The following SCAPER variants were observed in gnomAD, a reference collection of about 807,000 sequenced individuals.
The protein encoded by SCAPER is S phase cyclin A-associated protein in the endoplasmic reticulum.
A neutral mutation model predicts 182.2 loss-of-function variants in SCAPER; 98 were observed. The ratio of observed to expected loss-of-function variants is 0.54; its 90% CI spans 0.46 to 0.64. The LOEUF (loss-of-function observed/expected upper bound fraction) is 0.64. SCAPER is among the 30% of genes least tolerant of loss of function. SCAPER has a pLI of 0.00. For missense variants in SCAPER, 1,432 were observed against 1,690.0 expected, an observed-to-expected ratio of 0.85 and a Z score of 2.68; for synonymous variants, 605 against 564.6, an observed-to-expected ratio of 1.07 and a Z score of -1.01.
chr15:76,726,124 A>AAAATATATATATATATATATAT (rs1555555704), intron 17 of SCAPER, among the ~76,000 whole-genome samples: 4 of 15,348 alleles, frequency 2.6e-4, no homozygotes, highest in Admixed American at 1.1e-3. Context: ...TAATGTCTAG[A>AAAATATATATATATATATATAT]ATATATATAT....
At chr15:76,903,150 G>A (rs531613530) in intron 1 of SCAPER, among the ~76,000 whole-genome samples, 1 of 151,746 alleles carries the variant, frequency 6.6e-6, no homozygotes, top group South Asian at 2.1e-4. Context: ...GCTAAATGAA[G>A]ACATTAATGA....
Position 76,496,664 on chromosome 15 carries a change from C to T in SCAPER, c.2954+8195G>A, listed in dbSNP as rs35015137. 7.1e-3 allele frequency among the ~76,000 whole-genome samples: 1,082 copies of T among 152,130 alleles called. 8 individuals are homozygous for T. Among genetic ancestry groups the T allele is most frequent in the Middle Eastern group, 0.017 (5 of 292 alleles). ...AGAAAAAAGGAAAGTTCAGTCAGTC[C>T]CAGCTTGTAGTAATGGCATTTAACG... is the stretch of plus-strand genomic sequence containing the variant. On this transcript the variant is annotated intron_variant, in intron 24 of 31. Transcript: ENST00000563290.
At chr15:76,544,934 A>G (rs2045125430) in intron 23 of SCAPER, among the ~76,000 whole-genome samples, 1 of 152,198 alleles carries the variant, frequency 6.6e-6, no homozygotes, top group African/African-American at 2.4e-5. Flanking sequence ...AGAATTTACA[A>G]TATAGTGGTG....
chr15:76,808,320 C>T (rs750286460), intron 5 of SCAPER, among the ~76,000 whole-genome samples: 6 of 152,202 alleles, frequency 3.9e-5, no homozygotes, highest in Non-Finnish European at 7.3e-5. Flanking sequence ...CCCTTTTCCC[C>T]TTGCCTTGCT....
intron 26 of SCAPER, among the ~76,000 whole-genome samples, chr15:76,432,383 A>G (rs1453008328): frequency 6.6e-6 from 1 of 152,230 alleles, no homozygotes; most frequent in East Asian, 1.9e-4. Context: ...TAAGTGAACA[A>G]AGTAATCAAG....
Position 76,795,410 on chromosome 15 carries a change from A to C in SCAPER, c.642T>G (p.Arg214=). Residue 214 remains arginine, a synonymous_variant, in exon 8 of 32, where the codon CGT becomes CGG. Coordinates refer to ENST00000563290, the MANE Select transcript of SCAPER (RefSeq NM_020843.4). ...GGSTGTVPAP[R]LAPTGVSWAD... ...CCCAACTGACACCTGTGGGAGCCAG[A>C]CGAGGAGCTGGCACTGTGCCAGTTG... 7 of 1,608,070 alleles carry C rather than the reference A, an allele frequency of 4.4e-6. No homozygotes were observed. The highest frequency in any genetic ancestry group is 5.9e-6 in the Non-Finnish European group (7 of 1,176,480).
At chr15:76,484,787 A>T (rs907386741) in intron 24 of SCAPER, among the ~76,000 whole-genome samples, 1 of 152,228 alleles carries the variant, frequency 6.6e-6, no homozygotes, top group African/African-American at 2.4e-5. Context: ...TCATCACATA[A>T]ACAGAACTAA....
At chr15:76,429,125 G>A (rs2046679497) in intron 26 of SCAPER, among the ~76,000 whole-genome samples, 1 of 151,824 alleles carries the variant, frequency 6.6e-6, no homozygotes, top group Non-Finnish European at 1.5e-5. Flanking sequence ...CTCTTTGCCT[G>A]CCACCATCCA....
At chr15:76,508,407 C>T (rs1416057457) in intron 23 of SCAPER, among the ~76,000 whole-genome samples, 1 of 152,172 alleles carries the variant, frequency 6.6e-6, no homozygotes, top group Non-Finnish European at 1.5e-5. Context: ...TGATATGCAG[C>T]TATATTGGGC....
intron 1 of SCAPER, among the ~76,000 whole-genome samples, chr15:76,885,646 G>C (rs1253770143): frequency 6.6e-6 from 1 of 152,070 alleles, no homozygotes; most frequent in African/African-American, 2.4e-5. Context: ...ATCATGTCTG[G>C]GTAACTTTTG....
chr15:76,814,841 G>GA (rs1416800125), intron 5 of SCAPER, among the ~76,000 whole-genome samples: 2 of 152,060 alleles, frequency 1.3e-5, no homozygotes, highest in Non-Finnish European at 2.9e-5. Context: ...TACAGACTGA[G>GA]AAAAATATTT....
chr15:76,707,761 C>T (rs2059334260), intron 17 of SCAPER, among the ~76,000 whole-genome samples: 1 of 152,104 alleles, frequency 6.6e-6, no homozygotes, highest in South Asian at 2.1e-4. Context: ...ACCTAACTGA[C>T]ATTTAGAGAA....
At chr15:76,717,656 A>G (rs1032298376) in intron 17 of SCAPER, among the ~76,000 whole-genome samples, 2 of 152,164 alleles carry the variant, frequency 1.3e-5, no homozygotes, top group Admixed American at 1.3e-4. Context: ...ATAAGCTCAT[A>G]GTAACCACAA....
chr15:76,607,855 T>C (rs2050588095), intron 22 of SCAPER, among the ~76,000 whole-genome samples: 2 of 152,320 alleles, frequency 1.3e-5, no homozygotes, highest in South Asian at 4.1e-4. Context: ...TGTGCCTTGG[T>C]TTTCAGCTCC....
At chr15:76,438,134 T>C (rs1317483073) in intron 25 of SCAPER, among the ~76,000 whole-genome samples, 2 of 151,722 alleles carry the variant, frequency 1.3e-5, no homozygotes, top group Admixed American at 1.3e-4. Flanking sequence ...TACAAAAAAT[T>C]AGCCAGGCAT....
chr15:76,349,471 G>A (rs1374621936), intron 31 of SCAPER: 3 of 152,178 alleles, frequency 2.0e-5, no homozygotes, highest in African/African-American at 4.8e-5. Context: ...TAGACAGGCA[G>A]TAGGTATTTG....
At chr15:76,521,680 G>C (rs1348776872) in intron 23 of SCAPER, among the ~76,000 whole-genome samples, 8 of 152,126 alleles carry the variant, frequency 5.3e-5, no homozygotes. Context: ...ACAACTTGTT[G>C]AAATACTGAC....
At position 76,595,819 on chromosome 15, in the gene SCAPER, T is replaced by G. The variant is rs566088879; in HGVS notation, c.2712-21535A>C. Among the ~76,000 whole-genome samples, 6 of 122,150 alleles carry G rather than the reference T, an allele frequency of 4.9e-5. 2 individuals are homozygous for G. The highest frequency in any genetic ancestry group is 9.9e-5 in the Non-Finnish European group (5 of 50,274). 80.1% of individuals were successfully genotyped at this position (122,150 alleles called of 152,430 possible). ...TCTGGGACACTGCCAAAGCAGAGTT[T>G]AGAGGGAAATTTATAGCACTAAATG... On this transcript the variant is annotated intron_variant, in intron 22 of 31. Coordinates refer to ENST00000563290, the MANE Select transcript of SCAPER (RefSeq NM_020843.4).
intron 25 of SCAPER, among the ~76,000 whole-genome samples, chr15:76,470,184 C>G (rs532199610): frequency 5.0e-4 from 76 of 152,268 alleles, no homozygotes; most frequent in African/African-American, 1.6e-3. Flanking sequence ...CGTACTGAAT[C>G]TACTAAGTGC....
Sources: gnomAD v4.1 joint callset for allele counts (sites outside exome capture counted in the v4.1 genomes callset) on GRCh38, gnomAD v4.1.1 for gene constraint, MANE v1.5 for transcripts, NCBI Gene and HGNC (gene_info 2026-07-23, HGNC 2026-07-21) for gene names.